ATP10B: variants seen among roughly 807,000 people sequenced by gnomAD.
The protein encoded by ATP10B is ATPase phospholipid transporting 10B (putative).
ATP10B carries 122 observed loss-of-function variants against 141.2 expected under a neutral mutation model. The observed-to-expected ratio is 0.86, with a 90% CI of 0.75 to 1.00. ATP10B has a LOEUF of 1.00. Among genes scored for constraint, ATP10B ranks in the 50% least tolerant of loss-of-function variants. The pLI is 0.00. For synonymous variants in ATP10B, 685 were observed against 692.0 expected (o/e 0.99, Z 0.16); for missense variants, 1,876 against 1,825.3 (o/e 1.03, Z -0.51).
intron 13 of ATP10B, among the ~76,000 whole-genome samples, chr5:160,629,663 C>T (rs1254775756): frequency 6.6e-6 from 1 of 152,194 alleles, no homozygotes; most frequent in Non-Finnish European, 1.5e-5. Flanking sequence ...CATTAGGTAT[C>T]TGTCTAGAAC....
chr5:160,567,060 A>G (rs1754590963), intron 25 of ATP10B, among the ~76,000 whole-genome samples: 1 of 152,124 alleles, frequency 6.6e-6, no homozygotes, highest in South Asian at 2.1e-4. Flanking sequence ...GGGGCCATGT[A>G]TGTGTCCCAG....
chr5:160,576,155 G>C (rs1363924120), intron 24 of ATP10B, among the ~76,000 whole-genome samples: 1 of 152,160 alleles, frequency 6.6e-6, no homozygotes, highest in Non-Finnish European at 1.5e-5. Flanking sequence ...TGTTTGGATG[G>C]GGTTCTGGGT....
At chr5:160,901,163 G>T in the ATP10B span, among the ~76,000 whole-genome samples, 1 of 151,738 alleles carries the variant, frequency 6.6e-6, no homozygotes, top group Non-Finnish European at 1.5e-5. Flanking sequence ...CAAATATTGC[G>T]AACTTCACAC....
In ATP10B at chr5:160,636,254, A is replaced by G; in HGVS notation, c.1056T>C (p.Asp352=). 1.2e-6 allele frequency: 2 copies of G among 1,613,764 alleles called. No individual in the cohort carries two copies. Among genetic ancestry groups the G allele is most frequent in the Non-Finnish European group, 1.7e-6 (2 of 1,179,798 alleles). ...CACTGGGAAGGAAGCTGCCATTGGC[A>G]TCTGGCACATCGAAGGGAGGGTGTT... ...FEEHPPFDVP[D]ANGSFLPSAL... The change falls in exon 11 of 26, where the codon GAT becomes GAC. Residue 352 remains aspartate, a synonymous_variant. Coordinates refer to ENST00000327245, the MANE Select transcript of ATP10B (RefSeq NM_025153.3).
intron 7 of ATP10B, among the ~76,000 whole-genome samples, chr5:160,665,793 T>C (rs987235255): frequency 2.0e-5 from 3 of 152,200 alleles, no homozygotes. Flanking sequence ...TGGGTATATA[T>C]GTGGGGTTAG....
chr5:160,852,174 G>A lies in ATP10B; in HGVS notation c.-809C>T, dbSNP rs1282087260. The A allele has an allele frequency of 1.3e-5, 2 of 152,142 alleles. No homozygotes were observed. Among genetic ancestry groups the A allele is most frequent in the East Asian group, 1.9e-4 (1 of 5,192 alleles). The allele number at this position is 152,142 out of a possible 1,614,324, so 9.4% of individuals were successfully genotyped here. On this transcript the variant is annotated 5_prime_UTR_variant, in exon 1 of 26. Coordinates refer to ENST00000327245, the MANE Select transcript of ATP10B (RefSeq NM_025153.3). The stretch of plus-strand genomic sequence containing the variant: ...ATAACTGTGACCAATGAAAGAAAAA[G>A]GAAAAATAAGCTGCCTCGCTAGGCC...
chr5:160,602,031 C>T (rs1757125405), intron 21 of ATP10B, among the ~76,000 whole-genome samples: 1 of 152,150 alleles, frequency 6.6e-6, no homozygotes, highest in Non-Finnish European at 1.5e-5. Context: ...TGATACAGTT[C>T]AGACTAGCTC....
intron 19 of ATP10B, 50 bp from the exon 20 acceptor site, chr5:160,604,091 G>T: frequency 1.5e-6 from 2 of 1,379,140 alleles, no homozygotes; most frequent in Non-Finnish European, 1.0e-6. Context: ...ACTGCTCAGT[G>T]ACAATGAGGT....
chr5:160,835,217 G>A (rs1775344621), intron 1 of ATP10B, among the ~76,000 whole-genome samples: 1 of 152,102 alleles, frequency 6.6e-6, no homozygotes. Flanking sequence ...TCGAGATAGA[G>A]AGACAAAGCA....
At chr5:160,886,339 C>T in the ATP10B span, among the ~76,000 whole-genome samples, 1 of 152,136 alleles carries the variant, frequency 6.6e-6, no homozygotes, top group South Asian at 2.1e-4. Flanking sequence ...TAAAACTAAA[C>T]AGGTACAGAT....
intron 1 of ATP10B, among the ~76,000 whole-genome samples, chr5:160,814,962 C>A (rs569852804): frequency 2.3e-3 from 352 of 152,238 alleles, no homozygotes; most frequent in Non-Finnish European, 4.2e-3. Flanking sequence ...GCCAGGCCTG[C>A]CCTAAAAGAG....
the ATP10B span, among the ~76,000 whole-genome samples, chr5:160,913,646 G>T: frequency 2.6e-5 from 4 of 152,082 alleles, no homozygotes; most frequent in African/African-American, 7.2e-5. Flanking sequence ...AGAAGAAAGT[G>T]CTGGCAAAAA....
At chr5:160,861,319 A>C in the ATP10B span, among the ~76,000 whole-genome samples, 8 of 151,960 alleles carry the variant, frequency 5.3e-5, no homozygotes, top group Non-Finnish European at 1.2e-4. Flanking sequence ...TTATCAGCTT[A>C]CTAATTTTTA....
At chr5:160,857,680 G>A in the ATP10B span, among the ~76,000 whole-genome samples, 2 of 151,764 alleles carry the variant, frequency 1.3e-5, no homozygotes, top group African/African-American at 4.8e-5. Flanking sequence ...TGCTTTAGCT[G>A]TGTCCCATTA....
At chr5:160,807,720 T>C (rs1277843566) in intron 1 of ATP10B, among the ~76,000 whole-genome samples, 1 of 152,218 alleles carries the variant, frequency 6.6e-6, no homozygotes, top group East Asian at 1.9e-4. Flanking sequence ...TATTTGATCA[T>C]ACAATATATA....
At chr5:160,599,097 G>A in intron 21 of ATP10B, 127 bp from the exon 22 acceptor site, 1 of 724,536 alleles carries the variant, frequency 1.4e-6, no homozygotes, top group South Asian at 1.8e-5. Context: ...GGTTATGTAA[G>A]GATGAGAGAG....
chr5:160,775,766 C>T lies in ATP10B; in HGVS notation c.-331+9793G>A, dbSNP rs539649399. 3.3e-5 allele frequency among the ~76,000 whole-genome samples: 5 copies of T among 150,338 alleles called. No homozygotes were observed. The East Asian group carries it at 5.9e-4, about 18-fold the overall frequency. ...CGCGATCTCGGCTCGCTGCAAGCTCCGCCTCCTGGGTTCACGCCATTCTTC... is the reference window on the plus strand; with the variant it reads ...CGCGATCTCGGCTCGCTGCAAGCTCTGCCTCCTGGGTTCACGCCATTCTTC... On this transcript the variant is annotated intron_variant, in intron 2 of 25. Transcript: ENST00000327245.
chr5:160,716,571 G>A (rs1765672823), intron 3 of ATP10B, among the ~76,000 whole-genome samples: 1 of 152,154 alleles, frequency 6.6e-6, no homozygotes, highest in Non-Finnish European at 1.5e-5. Context: ...GTAAAGTTGA[G>A]CAAAAAGTTC....
chr5:160,571,995 A>G (rs147101153), intron 24 of ATP10B, among the ~76,000 whole-genome samples: 1 of 151,958 alleles, frequency 6.6e-6, no homozygotes, highest in Non-Finnish European at 1.5e-5. Flanking sequence ...TGTCTCTTAG[A>G]CTCCTAACTT....
Sources: allele counts gnomAD v4.1 joint callset (sites outside exome capture counted in the v4.1 genomes callset), GRCh38; gene constraint gnomAD v4.1.1; transcripts MANE v1.5; gene names NCBI Gene and HGNC (gene_info 2026-07-23, HGNC 2026-07-21).